Variants in P2RX3 observed in about 807,000 individuals in gnomAD.
The protein encoded by P2RX3 is purinergic receptor P2X 3.
P2RX3 carries 41 observed loss-of-function variants against 51.5 expected under a neutral mutation model. That is an observed-to-expected ratio of 0.80 (90% CI 0.62 to 1.03). P2RX3 has a LOEUF of 1.03. Ranked by LOEUF, P2RX3 falls within the 50% of genes least tolerant of loss-of-function variation. The probability of loss-of-function intolerance (pLI) is 0.00; values close to 1 mark genes in which losing one functional copy is unlikely to be tolerated. For synonymous variants in P2RX3, 185 were observed against 191.6 expected (o/e 0.97, Z 0.29); for missense variants, 459 against 522.1 (o/e 0.88, Z 1.18).
At chr11:57,349,627 A>G in intron 6 of P2RX3, 130 bp from the exon 7 acceptor site, 3 of 1,064,760 alleles carry the variant, frequency 2.8e-6, no homozygotes, top group South Asian at 3.0e-5. Flanking sequence ...GGGGAGGGAG[A>G]TGGCGAGGTC....
intron 8 of P2RX3, among the ~76,000 whole-genome samples, chr11:57,353,673 G>T (rs908607852): frequency 6.6e-6 from 1 of 152,140 alleles, no homozygotes; most frequent in African/African-American, 2.4e-5. Context: ...TCCAACAGAG[G>T]CAGATTTTTC....
At chr11:57,348,757 C>A in intron 6 of P2RX3, 53 bp downstream of exon 6, 2 of 1,385,208 alleles carry the variant, frequency 1.4e-6, no homozygotes, top group Non-Finnish European at 2.0e-6. Flanking sequence ...CCGGCCCTGC[C>A]AACCTGTTTT....
intron 8 of P2RX3, among the ~76,000 whole-genome samples, chr11:57,357,829 T>TAA (rs1565069581): frequency 6.6e-6 from 1 of 152,216 alleles, no homozygotes; most frequent in Admixed American, 6.5e-5. Flanking sequence ...CCTATCAGTA[T>TAA]AAAATCAACT....
chr11:57,371,720 G>T lies in P2RX3; in HGVS notation c.*1723G>T, dbSNP rs949289751. 2.0e-5 allele frequency among the ~76,000 whole-genome samples: 3 copies of T among 152,224 alleles called. No individual in the cohort carries two copies. The highest frequency in any genetic ancestry group is 7.2e-5 in the African/African-American group (3 of 41,456). The stretch of plus-strand genomic sequence containing the variant: ...CAGCCTTGGGAATTGGGCAGTGCCT[G>T]GAGATCTGACCAGACTATGCTTCTC... On this transcript the variant is annotated 3_prime_UTR_variant, in exon 12 of 12. Transcript: ENST00000263314.
chr11:57,369,078 A>G (rs1856840881), intron 10 of P2RX3, among the ~76,000 whole-genome samples: 1 of 152,184 alleles, frequency 6.6e-6, no homozygotes, highest in Non-Finnish European at 1.5e-5. Context: ...CCATGCATCC[A>G]TGAACGGATT....
rs779386822 is a variant in P2RX3 at position 57,350,908 on chromosome 11, T to C, written c.842+10T>C. ...CAGGCTACAACTTCAGGTAATTCCC[T>C]GTCTCCTGGGACACCAGGAGAAGAA... On this transcript the variant is annotated intron_variant, in intron 8 of 11. Coordinates refer to ENST00000263314, the MANE Select transcript of P2RX3 (RefSeq NM_002559.5). 5.6e-6 allele frequency: 9 copies of C among 1,613,936 alleles called. No homozygotes were observed. Among genetic ancestry groups the C allele is most frequent in the Non-Finnish European group, 7.6e-6 (9 of 1,179,990 alleles).
At chr11:57,361,197 T>C (rs1856713005) in intron 8 of P2RX3, among the ~76,000 whole-genome samples, 1 of 152,108 alleles carries the variant, frequency 6.6e-6, no homozygotes, top group African/African-American at 2.4e-5. Context: ...TGAGAGGGCC[T>C]GCAGATCCCT....
intron 1 of P2RX3, among the ~76,000 whole-genome samples, chr11:57,341,124 A>G (rs1203026114): frequency 6.6e-6 from 1 of 152,084 alleles, no homozygotes; most frequent in African/African-American, 2.4e-5. Context: ...TGAGTTTGAG[A>G]GAGAGAGAGA....
chr11:57,360,833 G>A (rs1230276948), intron 8 of P2RX3, among the ~76,000 whole-genome samples: 8 of 151,516 alleles, frequency 5.3e-5, no homozygotes, highest in Admixed American at 4.0e-4. Flanking sequence ...AAGAAACAGC[G>A]AGATATGGCT....
chr11:57,369,292 C>A, intron 10 of P2RX3, 69 bp from the exon 11 acceptor site: 1 of 1,421,710 alleles, frequency 7.0e-7, no homozygotes, highest in Non-Finnish European at 9.7e-7. Flanking sequence ...GAGCCCAGCA[C>A]TTCCTGCCAC....
At chr11:57,353,818 G>A (rs1856584941) in intron 8 of P2RX3, among the ~76,000 whole-genome samples, 1 of 143,634 alleles carries the variant, frequency 7.0e-6, no homozygotes, top group Non-Finnish European at 1.5e-5. Flanking sequence ...TACATTCGCA[G>A]CTCCCTTCCA....
At chr11:57,350,629 T>C (rs1409688698) in intron 7 of P2RX3, 133 bp from the exon 8 acceptor site, 1 of 1,256,176 alleles carries the variant, frequency 8.0e-7, no homozygotes. Flanking sequence ...CACTTTCCGT[T>C]CTCCCTGCCT....
chr11:57,368,503 C>G, intron 10 of P2RX3, 66 bp downstream of exon 10: 1 of 1,568,734 alleles, frequency 6.4e-7, no homozygotes, highest in African/African-American at 1.4e-5. Flanking sequence ...TACCAGCAGG[C>G]AGGGGAGTGA....
intron 1 of P2RX3, among the ~76,000 whole-genome samples, chr11:57,346,012 G>A (rs1856425105): frequency 6.6e-6 from 1 of 152,030 alleles, no homozygotes; most frequent in Non-Finnish European, 1.5e-5. Context: ...GACCTTTATT[G>A]ATTTGTTTAC....
At chr11:57,356,037 T>C (rs887577799) in intron 8 of P2RX3, among the ~76,000 whole-genome samples, 2 of 152,078 alleles carry the variant, frequency 1.3e-5, no homozygotes, top group Non-Finnish European at 2.9e-5. Context: ...AAATAAATAA[T>C]AAATGAAAGC....
chr11:57,360,520 C>T (rs534192666), intron 8 of P2RX3, among the ~76,000 whole-genome samples: 1 of 152,182 alleles, frequency 6.6e-6, no homozygotes, highest in East Asian at 1.9e-4. Context: ...TGAGGCCAGG[C>T]GCGGTGGCTC....
chr11:57,346,883 C>T (rs1856445858), intron 2 of P2RX3, among the ~76,000 whole-genome samples: 1 of 152,234 alleles, frequency 6.6e-6, no homozygotes. Context: ...GGGTTCCTCT[C>T]CAGGCTCTGC....
intron 8 of P2RX3, among the ~76,000 whole-genome samples, chr11:57,367,151 T>G (rs1376649694): frequency 6.6e-6 from 1 of 152,256 alleles, no homozygotes; most frequent in Admixed American, 6.5e-5. Context: ...TCTACACCCC[T>G]GACGTGTGTG....
chr11:57,350,265 G>A (rs79610625), intron 7 of P2RX3: 2,142 of 206,394 alleles, frequency 0.01, 61 homozygotes, highest in African/African-American at 0.047. Context: ...TTAGGACTCA[G>A]AGGCTCCAAT....
Sources: gnomAD v4.1 joint callset for allele counts (sites outside exome capture counted in the v4.1 genomes callset) on GRCh38, gnomAD v4.1.1 for gene constraint, MANE v1.5 for transcripts, NCBI Gene and HGNC (gene_info 2026-07-23, HGNC 2026-07-21) for gene names.